The following ESYT2 variants were observed in gnomAD, a reference collection of about 807,000 sequenced individuals.
The protein encoded by ESYT2 is extended synaptotagmin 2, also known as extended synaptotagmin-2.
In ESYT2, 54 loss-of-function variants were observed where a neutral mutation model predicts 107.2. The ratio of observed to expected loss-of-function variants is 0.50; its 90% CI spans 0.40 to 0.63. The LOEUF (loss-of-function observed/expected upper bound fraction) is 0.63. Ranked by LOEUF, ESYT2 falls within the 30% of genes least tolerant of loss-of-function variation. ESYT2 has a pLI of 0.00. For missense variants in ESYT2, 1,020 were observed against 1,094.5 expected, an observed-to-expected ratio of 0.93 and a Z score of 0.96; for synonymous variants, 491 against 434.1, an observed-to-expected ratio of 1.13 and a Z score of -1.63.
chr7:158,764,913 A>C, intron 8 of ESYT2, 60 bp from the exon 9 acceptor site: 1 of 1,547,076 alleles, frequency 6.5e-7, no homozygotes. Context: ...CTGGCATGGA[A>C]GATAGCTACG....
intron 6 of ESYT2, among the ~76,000 whole-genome samples, chr7:158,774,504 C>T (rs966095597): frequency 6.6e-6 from 1 of 152,178 alleles, no homozygotes; most frequent in African/African-American, 2.4e-5. Flanking sequence ...CCTGGCTAAA[C>T]CTCTACATTC....
At chr7:158,801,633 T>G (rs1584868515) in intron 1 of ESYT2, among the ~76,000 whole-genome samples, 1 of 53,514 alleles carries the variant, frequency 1.9e-5, no homozygotes, top group East Asian at 5.6e-4. Context: ...GTTTTAAATC[T>G]TATCTTTCAA....
intron 7 of ESYT2, 79 bp from the exon 8 acceptor site, chr7:158,767,853 C>G: frequency 6.7e-7 from 1 of 1,493,654 alleles, no homozygotes; most frequent in Non-Finnish European, 9.0e-7. Flanking sequence ...ACAGACTTAC[C>G]ACGAATATGA....
intron 1 of ESYT2, among the ~76,000 whole-genome samples, chr7:158,823,187 T>C (rs950868968): frequency 7.2e-6 from 1 of 138,434 alleles, no homozygotes; most frequent in Non-Finnish European, 1.5e-5. Context: ...CCCAGATACT[T>C]GGGAGGCTGA....
At chr7:158,773,588 GATA>G (rs1311090464) in intron 6 of ESYT2, among the ~76,000 whole-genome samples, 192 bp from the exon 7 acceptor site, 3 of 152,036 alleles carry the variant, frequency 2.0e-5, no homozygotes, top group South Asian at 4.2e-4. Flanking sequence ...TTTGTTTTTT[GATA>G]ATGTCACAGT....
intron 1 of ESYT2, among the ~76,000 whole-genome samples, chr7:158,820,875 C>A (rs970536920): frequency 6.6e-6 from 1 of 152,302 alleles, no homozygotes; most frequent in African/African-American, 2.4e-5. Context: ...TGTGTTATTG[C>A]CGGCTGGTAA....
intron 3 of ESYT2, among the ~76,000 whole-genome samples, chr7:158,797,386 C>T (rs1839495086): frequency 6.6e-6 from 1 of 151,944 alleles, no homozygotes; most frequent in East Asian, 1.9e-4. Flanking sequence ...TAAGCTCAGG[C>T]CTCCCAAAGT....
chr7:158,822,284 T>C (rs1489722514), intron 1 of ESYT2, among the ~76,000 whole-genome samples: 1 of 152,178 alleles, frequency 6.6e-6, no homozygotes, highest in Non-Finnish European at 1.5e-5. Flanking sequence ...AACCAATCCA[T>C]AAGCTAAACT....
intron 16 of ESYT2, among the ~76,000 whole-genome samples, chr7:158,747,159 C>A (rs1837432279): frequency 6.6e-6 from 1 of 151,964 alleles, no homozygotes; most frequent in Non-Finnish European, 1.5e-5. Flanking sequence ...CAAGCCTGGC[C>A]AACATGGTGA....
chr7:158,800,944 G>A (rs1292548171), intron 1 of ESYT2, among the ~76,000 whole-genome samples: 1 of 152,114 alleles, frequency 6.6e-6, no homozygotes, highest in Non-Finnish European at 1.5e-5. Flanking sequence ...GTCCATCACT[G>A]CCTCACTGTA....
In ESYT2 at chr7:158,788,395, C is replaced by A. The variant is rs764264988; in HGVS notation, c.607G>T (p.Asp203Tyr). The change falls in exon 5 of 23, where the codon GAT becomes TAT. Residue 203 changes from aspartate (D) to tyrosine (Y), a missense_variant. By Grantham distance (160) the Asp-to-Tyr change is radical. Coordinates refer to ENST00000275418, the MANE Select transcript of ESYT2 (RefSeq NM_001367773.1). ...CAAAAATATCGTTTGATCTCCAAAT[C>A]AATCTCACAATTTCCTACAAAACTA... ...QISFVGNCEI[D>Y]LEIKRYFCRA... 4 of 1,611,696 alleles carry A rather than the reference C, an allele frequency of 2.5e-6. No homozygotes were observed. The East Asian group carries it at 6.7e-5, about 27-fold the overall frequency.
chr7:158,814,252 C>T (rs992477430), intron 1 of ESYT2, among the ~76,000 whole-genome samples: 15 of 143,606 alleles, frequency 1.0e-4, no homozygotes, highest in South Asian at 8.9e-4. Context: ...CCAGCCTGGG[C>T]GACAGAGCGA....
At chr7:158,759,964 TA>T in intron 12 of ESYT2, 93 bp downstream of exon 12, 2 of 1,124,520 alleles carry the variant, frequency 1.8e-6, no homozygotes, top group Non-Finnish European at 2.7e-6. Flanking sequence ...CTATAATTGT[TA>T]AAAAATCAAG....
At chr7:158,742,020 T>C in intron 17 of ESYT2, 124 bp from the exon 18 acceptor site, 1 of 1,198,314 alleles carries the variant, frequency 8.3e-7, no homozygotes, top group South Asian at 1.6e-5. Context: ...AAAAAATTTT[T>C]TTTTAAAGGA....
intron 14 of ESYT2, among the ~76,000 whole-genome samples, chr7:158,750,169 T>C (rs1352851008): frequency 1.3e-5 from 2 of 152,178 alleles, no homozygotes; most frequent in African/African-American, 4.8e-5. Context: ...CACGGTTTTA[T>C]GTTCTCAACT....
intron 1 of ESYT2, among the ~76,000 whole-genome samples, chr7:158,814,156 C>G (rs1014126076): frequency 1.3e-5 from 2 of 151,624 alleles, no homozygotes; most frequent in African/African-American, 4.8e-5. Flanking sequence ...CGCCTGTAGT[C>G]CCAGCTACTC....
chr7:158,820,736 T>C (rs1840265642), intron 1 of ESYT2, among the ~76,000 whole-genome samples: 2 of 152,194 alleles, frequency 1.3e-5, no homozygotes, highest in African/African-American at 4.8e-5. Context: ...CAGTGAGCCA[T>C]GATTGTGCCA....
intron 1 of ESYT2, among the ~76,000 whole-genome samples, chr7:158,824,306 A>C (rs774689899): frequency 6.6e-6 from 1 of 152,236 alleles, no homozygotes; most frequent in Non-Finnish European, 1.5e-5. Flanking sequence ...GGTGCTGAAG[A>C]AGCACTTGTT....
intron 13 of ESYT2, among the ~76,000 whole-genome samples, chr7:158,757,975 G>A (rs1837825266): frequency 6.6e-6 from 1 of 152,132 alleles, no homozygotes. Context: ...CAATTCTACT[G>A]TATAGAAATT....
Sources: gnomAD v4.1 joint callset for allele counts (sites outside exome capture counted in the v4.1 genomes callset) on GRCh38, gnomAD v4.1.1 for gene constraint, MANE v1.5 for transcripts, NCBI Gene and HGNC (gene_info 2026-07-23, HGNC 2026-07-21) for gene names.